The following SGMS1 variants were observed in gnomAD, a reference collection of about 807,000 sequenced individuals.
SGMS1 encodes phosphatidylcholine:ceramide cholinephosphotransferase 1.
In SGMS1, 13 loss-of-function variants were observed where a neutral mutation model predicts 46.2. The observed-to-expected ratio is 0.28, with a 90% CI of 0.18 to 0.45. SGMS1 has a LOEUF of 0.45. SGMS1 is among the 20% of genes least tolerant of loss of function. The pLI is 1.00. For missense variants in SGMS1, 324 were observed against 519.9 expected (o/e 0.62, Z 3.66); for synonymous variants, 203 against 187.8 (o/e 1.08, Z -0.66).
chr10:50,475,934 T>C (rs559242847), intron 3 of SGMS1, among the ~76,000 whole-genome samples: 131 of 151,864 alleles, frequency 8.6e-4, no homozygotes, highest in African/African-American at 2.1e-3. Context: ...TAGTTCTTTA[T>C]AGCAGTACAA....
chr10:50,568,610 C>T (rs2131853561), intron 2 of SGMS1, among the ~76,000 whole-genome samples: 1 of 152,256 alleles, frequency 6.6e-6, no homozygotes, highest in Admixed American at 6.5e-5. Flanking sequence ...GAGGCTGAGG[C>T]AGGAGGATCA....
At chr10:50,535,104 T>A (rs921169806) in intron 2 of SGMS1, among the ~76,000 whole-genome samples, 9 of 151,738 alleles carry the variant, frequency 5.9e-5, no homozygotes, top group African/African-American at 2.2e-4. Context: ...TGGTGGCAGG[T>A]GCCTGTAGTC....
chr10:50,398,827 A>G (rs1848887320), intron 6 of SGMS1, among the ~76,000 whole-genome samples: 2 of 152,096 alleles, frequency 1.3e-5, no homozygotes, highest in Admixed American at 1.3e-4. Flanking sequence ...TATTCAAGAC[A>G]GTACCCTAAT....
intron 3 of SGMS1, among the ~76,000 whole-genome samples, chr10:50,484,140 C>T (rs1024988833): frequency 3.3e-5 from 5 of 151,664 alleles, no homozygotes; most frequent in African/African-American, 4.8e-5. Context: ...AAAATAGATA[C>T]ACCACTAGCT....
chr10:50,602,569 G>A (rs143460681), intron 1 of SGMS1, among the ~76,000 whole-genome samples: 2 of 152,242 alleles, frequency 1.3e-5, no homozygotes, highest in African/African-American at 4.8e-5. Flanking sequence ...CACTTATCAG[G>A]CACTCTCCTA....
At chr10:50,590,619 T>C (rs1473156738) in intron 1 of SGMS1, 1 of 152,188 alleles carries the variant, frequency 6.6e-6, no homozygotes, top group Admixed American at 6.5e-5. Context: ...CTACTTAACA[T>C]ATCTATCACC....
intron 6 of SGMS1, among the ~76,000 whole-genome samples, chr10:50,379,805 C>T (rs2133470080): frequency 6.6e-6 from 1 of 152,288 alleles, no homozygotes; most frequent in Middle Eastern, 3.4e-3. Context: ...TTTCTACTCC[C>T]ACCCCTCTTT....
At chr10:50,381,219 G>T (rs776932278) in intron 6 of SGMS1, among the ~76,000 whole-genome samples, 1 of 151,430 alleles carries the variant, frequency 6.6e-6, no homozygotes, top group African/African-American at 2.4e-5. Context: ...AAAAGGGTTT[G>T]CCTGAGTCCC....
At chr10:50,412,657 G>T (rs886103857) in intron 6 of SGMS1, among the ~76,000 whole-genome samples, 3 of 152,158 alleles carry the variant, frequency 2.0e-5, no homozygotes, top group Admixed American at 6.5e-5. Context: ...ACATACATTT[G>T]CTAGGTGTGC....
At chr10:50,595,848 G>A (rs1319417038) in intron 1 of SGMS1, among the ~76,000 whole-genome samples, 1 of 152,180 alleles carries the variant, frequency 6.6e-6, no homozygotes, top group African/African-American at 2.4e-5. Context: ...AGTGGGTGCC[G>A]ATAAGAGCAG....
At chr10:50,395,383 C>T (rs1207055096) in intron 6 of SGMS1, among the ~76,000 whole-genome samples, 3 of 152,124 alleles carry the variant, frequency 2.0e-5, no homozygotes, top group Non-Finnish European at 4.4e-5. Flanking sequence ...TTAGTTACCC[C>T]TCACTCAGAC....
At chr10:50,565,871 C>T (rs531814319) in intron 2 of SGMS1, among the ~76,000 whole-genome samples, 1 of 152,198 alleles carries the variant, frequency 6.6e-6, no homozygotes, top group African/African-American at 2.4e-5. Context: ...CACTCAGGAC[C>T]TGGAAGCTGG....
intron 2 of SGMS1, among the ~76,000 whole-genome samples, chr10:50,563,420 TA>T (rs1838259323): frequency 6.6e-6 from 1 of 152,192 alleles, no homozygotes; most frequent in Non-Finnish European, 1.5e-5. Flanking sequence ...ACAATGATAC[TA>T]AAAACCACGT....
intron 2 of SGMS1, among the ~76,000 whole-genome samples, chr10:50,546,080 C>T (rs898682095): frequency 1.3e-5 from 2 of 152,164 alleles, no homozygotes; most frequent in African/African-American, 4.8e-5. Flanking sequence ...ATAAGGAGTT[C>T]TGCCTCGGAT....
chr10:50,586,178 C>G (rs1422610882), intron 2 of SGMS1, among the ~76,000 whole-genome samples: 1 of 152,186 alleles, frequency 6.6e-6, no homozygotes, highest in Non-Finnish European at 1.5e-5. Flanking sequence ...GGAACACTTT[C>G]TTATTATATA....
At chr10:50,326,027 C>T (rs945570493) in intron 8 of SGMS1, among the ~76,000 whole-genome samples, 1 of 151,604 alleles carries the variant, frequency 6.6e-6, no homozygotes, top group Non-Finnish European at 1.5e-5. Flanking sequence ...TTTGGAAGGG[C>T]GAAAGAAACT....
Position 50,496,293 on chromosome 10 carries a change from C to T in SGMS1, c.-498+23538G>A, listed in dbSNP as rs1001235114. Among the ~76,000 whole-genome samples the T allele has an allele frequency of 5.9e-5, 9 of 152,292 alleles. No homozygotes were observed. In the East Asian group the frequency reaches 7.7e-4, roughly 13 times the overall value. On this transcript the variant is annotated intron_variant, in intron 3 of 10. Coordinates refer to ENST00000361781, the MANE Select transcript of SGMS1 (RefSeq NM_147156.4). Reference sequence around the variant, plus strand: ...GTCAAGCTGGCAGTAGTACCTAGCACGCTGTCTTGCATAAACTTCAAAAAA... The same window carrying T: ...GTCAAGCTGGCAGTAGTACCTAGCATGCTGTCTTGCATAAACTTCAAAAAA...
chr10:50,560,099 T>C (rs183083937), intron 2 of SGMS1, among the ~76,000 whole-genome samples: 3,091 of 147,178 alleles, frequency 0.021, 122 homozygotes, highest in African/African-American at 0.072. Flanking sequence ...TTAGGTAATA[T>C]AGATTATATA....
At chr10:50,427,208 C>T (rs77328800) in intron 6 of SGMS1, among the ~76,000 whole-genome samples, 4,320 of 152,268 alleles carry the variant, frequency 0.028, 205 homozygotes, top group African/African-American at 0.099. Flanking sequence ...ACAATCCTGG[C>T]TAACATGTTG....
Sources: allele counts gnomAD v4.1 joint callset (sites outside exome capture counted in the v4.1 genomes callset), GRCh38; gene constraint gnomAD v4.1.1; transcripts MANE v1.5; gene names NCBI Gene and HGNC (gene_info 2026-07-23, HGNC 2026-07-21).